RCOR3: variants seen among roughly 807,000 people sequenced by gnomAD.
RCOR3 encodes the protein REST corepressor 3.
A neutral mutation model predicts 64.1 loss-of-function variants in RCOR3; 13 were observed. That is an observed-to-expected ratio of 0.20 (90% CI 0.13 to 0.32). RCOR3 has a LOEUF of 0.32. Ranked by LOEUF, RCOR3 falls within the 10% of genes least tolerant of loss-of-function variation. RCOR3 has a pLI of 1.00. For synonymous variants in RCOR3, 215 were observed against 239.0 expected (o/e 0.90, Z 0.93); for missense variants, 489 against 701.2 (o/e 0.70, Z 3.42).
chr1:211,299,999 T>A (rs1296941199), intron 9 of RCOR3, among the ~76,000 whole-genome samples: 1 of 151,942 alleles, frequency 6.6e-6, no homozygotes, highest in Non-Finnish European at 1.5e-5. Context: ...CTCTTCTGCT[T>A]CCACTTGTCA....
chr1:211,284,025 T>G (rs1698185440), intron 7 of RCOR3, among the ~76,000 whole-genome samples: 2 of 150,930 alleles, frequency 1.3e-5, no homozygotes, highest in Admixed American at 1.3e-4. Flanking sequence ...ATTTTAAATT[T>G]ATTATTTATT....
chr1:211,261,520 A>G lies in RCOR3; in HGVS notation c.223+1356A>G, dbSNP rs529102237. Among the ~76,000 whole-genome samples, 5 of 152,346 alleles carry G rather than the reference A, an allele frequency of 3.3e-5. No homozygotes were observed. In the East Asian group the frequency reaches 7.7e-4, roughly 24 times the overall value. Reference sequence around the variant, plus strand: ...TTCAAATAATTTTAAATGTTTTATGAAACTAATTTTCTTTATTGATGTTGC... The same window carrying G: ...TTCAAATAATTTTAAATGTTTTATGGAACTAATTTTCTTTATTGATGTTGC... On this transcript the variant is annotated intron_variant, in intron 2 of 11. Transcript: ENST00000419091.
In RCOR3 at chr1:211,304,089, C is replaced by T; in HGVS notation, c.1024C>T (p.Gln342Ter). 1 of 1,600,762 alleles carries T rather than the reference C, an allele frequency of 6.2e-7. No homozygotes were observed. Among genetic ancestry groups the T allele is most frequent in the East Asian group, 2.2e-5 (1 of 44,474 alleles). Residue 342 changes from glutamine (Q) to a stop codon, truncating the protein, a stop_gained, in exon 10 of 12, where the codon CAG becomes TAG. Coordinates refer to ENST00000419091, the MANE Select transcript of RCOR3 (RefSeq NM_001136223.3). LOFTEE classifies it high-confidence loss of function. Reference sequence around the variant, plus strand: ...CTTCTCTTTAATTTTGTAGTCAAATCAGAAAATTAATGCCCGTTGGACCAC... The same window carrying T: ...CTTCTCTTTAATTTTGTAGTCAAATTAGAAAATTAATGCCCGTTGGACCAC... ...IEEFKPPESN[Q>*]KINARWTTEE...
chr1:211,283,995 A>G (rs1277204229), intron 7 of RCOR3, among the ~76,000 whole-genome samples: 1 of 151,502 alleles, frequency 6.6e-6, no homozygotes, highest in African/African-American at 2.4e-5. Flanking sequence ...GTAAACAGCT[A>G]TTTCATCAAA....
At chr1:211,264,434 C>T (rs1694860774) in intron 2 of RCOR3, among the ~76,000 whole-genome samples, 1 of 152,286 alleles carries the variant, frequency 6.6e-6, no homozygotes, top group Admixed American at 6.5e-5. Context: ...ATAATCCCAG[C>T]TCTTTGGGAG....
chr1:211,291,944 C>T (rs1440162161), intron 8 of RCOR3, among the ~76,000 whole-genome samples: 1 of 152,060 alleles, frequency 6.6e-6, no homozygotes, highest in African/African-American at 2.4e-5. Context: ...CATAGTGAGA[C>T]TTCATCTCTA....
chr1:211,313,061 A>G lies in RCOR3; in HGVS notation c.1317+100A>G, dbSNP rs1572030747. 1 of 1,580,962 alleles carries G rather than the reference A, an allele frequency of 6.3e-7. No homozygotes were observed. The highest frequency in any genetic ancestry group is 8.6e-7 in the Non-Finnish European group (1 of 1,164,020). On this transcript the variant is annotated intron_variant, in intron 11 of 11. Transcript: ENST00000419091. The surrounding 1 kb of genome is among the most constrained non-coding windows in gnomAD (Gnocchi z 4.7). The stretch of plus-strand genomic sequence containing the variant: ...TTTGTCAAGAGGACTAGCTAAATTG[A>G]GCATGAAAGGTTGACAATACACTTC...
intron 2 of RCOR3, among the ~76,000 whole-genome samples, chr1:211,269,148 G>A (rs1695733478): frequency 6.6e-6 from 1 of 152,000 alleles, no homozygotes; most frequent in Non-Finnish European, 1.5e-5. Context: ...GGCTATTAAT[G>A]GTAATTATCG....
At chr1:211,298,811 C>A (rs2102619828) in intron 9 of RCOR3, among the ~76,000 whole-genome samples, 1 of 151,832 alleles carries the variant, frequency 6.6e-6, no homozygotes, top group East Asian at 1.9e-4. Context: ...TCGAGACCAT[C>A]CTGGCTAACA....
intron 3 of RCOR3, among the ~76,000 whole-genome samples, chr1:211,273,960 T>C (rs1696603901): frequency 6.6e-6 from 1 of 152,136 alleles, no homozygotes; most frequent in South Asian, 2.1e-4. Context: ...AATACAGTAA[T>C]GTCATTGAAT....
In RCOR3 at chr1:211,293,086, AAAATAAAT is replaced by A. The variant is rs10524651; in HGVS notation, c.940-2563_940-2556del. ...GCGACAGAGTGAGACTCTGTCTCCA[AAAATAAAT>A]AAATAAATAAATAAATAAATAAATA... On this transcript the variant is annotated intron_variant, in intron 8 of 11. Transcript: ENST00000419091. Among the ~76,000 whole-genome samples, 716 of 143,040 alleles carry A rather than the reference AAAATAAAT, an allele frequency of 5.0e-3. 5 individuals carry two copies. The highest frequency in any genetic ancestry group is 0.016 in the African/African-American group (622 of 38,254). The allele number at this position is 143,040 out of a possible 152,430, so 93.8% of individuals were successfully genotyped here.
intron 6 of RCOR3, 66 bp downstream of exon 6, chr1:211,278,307 A>G (rs1441653010): frequency 1.3e-6 from 2 of 1,521,786 alleles, no homozygotes; most frequent in East Asian, 2.3e-5. Flanking sequence ...TACATTTCCT[A>G]AGGCAGAAAA....
intron 7 of RCOR3, among the ~76,000 whole-genome samples, chr1:211,288,706 A>G (rs1698878860): frequency 6.6e-6 from 1 of 151,774 alleles, no homozygotes; most frequent in African/African-American, 2.4e-5. Flanking sequence ...CAGCAACTGT[A>G]AAGTAAAAAT....
intron 8 of RCOR3, among the ~76,000 whole-genome samples, chr1:211,293,038 C>T (rs551488797): frequency 2.2e-4 from 34 of 151,674 alleles, no homozygotes; most frequent in African/African-American, 8.2e-4. Flanking sequence ...GAGCCGAGAT[C>T]GCGCCACTGC....
chr1:211,299,845 G>A (rs1346333845), intron 9 of RCOR3, among the ~76,000 whole-genome samples: 1 of 152,090 alleles, frequency 6.6e-6, no homozygotes, highest in African/African-American at 2.4e-5. Flanking sequence ...CTACCACGCA[G>A]TTTTAGATTC....
In RCOR3 at chr1:211,288,621, G is replaced by C. The variant is rs1358017671; in HGVS notation, c.721-557G>C. Among the ~76,000 whole-genome samples, 7 of 146,224 alleles carry C rather than the reference G, an allele frequency of 4.8e-5. No homozygotes were observed. The East Asian group carries it at 1.4e-3, about 29-fold the overall frequency. On this transcript the variant is annotated intron_variant, in intron 7 of 11. Transcript: ENST00000419091. ...TTATTATTTATTTTATTTAATCATA[G>C]ATTTGGAAGTTAGAAATATTTTCAG... is the stretch of plus-strand genomic sequence containing the variant.
chr1:211,307,353 G>A (rs1279729880), intron 10 of RCOR3, among the ~76,000 whole-genome samples: 1 of 152,006 alleles, frequency 6.6e-6, no homozygotes, highest in African/African-American at 2.4e-5. Flanking sequence ...GCCAGGTATG[G>A]TGGTGCACAC....
chr1:211,266,634 GT>G (rs1405671000), intron 2 of RCOR3, among the ~76,000 whole-genome samples: 9 of 152,128 alleles, frequency 5.9e-5, no homozygotes, highest in Non-Finnish European at 1.0e-4. Flanking sequence ...TGTTTTGTTG[GT>G]GAGTCAGGTT....
At chr1:211,308,687 T>TTTTTTTTTTTTTTTTG (rs1701159946) in intron 10 of RCOR3, among the ~76,000 whole-genome samples, 1 of 64,802 alleles carries the variant, frequency 1.5e-5, no homozygotes, top group Admixed American at 2.1e-4. Flanking sequence ...TTTTTTTGTT[T>TTTTTTTTTTTTTTTTG]TTTTTTTTTT....
Sources: gnomAD v4.1 joint callset for allele counts (sites outside exome capture counted in the v4.1 genomes callset) on GRCh38, gnomAD v4.1.1 for gene constraint, Gnocchi (gnomAD v3.1) non-coding constraint, MANE v1.5 for transcripts, NCBI Gene and HGNC (gene_info 2026-07-23, HGNC 2026-07-21) for gene names.